The following TGFA variants were observed in gnomAD, a reference collection of about 807,000 sequenced individuals.
The protein encoded by TGFA is protransforming growth factor alpha.
A neutral mutation model predicts 21.7 loss-of-function variants in TGFA; 12 were observed. That is an observed-to-expected ratio of 0.55 (90% CI 0.35 to 0.90). The LOEUF (loss-of-function observed/expected upper bound fraction) is 0.90, where lower values mean the gene tolerates loss of function less well. TGFA is among the 40% of genes least tolerant of loss of function. The pLI, the probability that TGFA is intolerant of heterozygous loss-of-function variation, is 0.01. For missense variants in TGFA, 178 were observed against 210.8 expected, an observed-to-expected ratio of 0.84 and a Z score of 0.96; for synonymous variants, 79 against 88.1, an observed-to-expected ratio of 0.90 and a Z score of 0.58.
intron 1 of TGFA, among the ~76,000 whole-genome samples, chr2:70,524,579 G>A (rs1672578798): frequency 6.6e-6 from 1 of 152,248 alleles, no homozygotes; most frequent in African/African-American, 2.4e-5. Flanking sequence ...TTCTGAGGTT[G>A]CAGAGAAGCC....
chr2:70,518,610 G>A (rs976736147), intron 1 of TGFA, among the ~76,000 whole-genome samples: 4 of 152,178 alleles, frequency 2.6e-5, no homozygotes, highest in Admixed American at 6.5e-5. Flanking sequence ...CTGGGCCCCA[G>A]AGCAGGATAC....
At chr2:70,475,832 CT>C (rs1226575410) in intron 2 of TGFA, among the ~76,000 whole-genome samples, 1 of 152,088 alleles carries the variant, frequency 6.6e-6, no homozygotes, top group African/African-American at 2.4e-5. Context: ...CCGACTCCCC[CT>C]GGGAAGACCA....
At chr2:70,537,456 T>C (rs538785697) in intron 1 of TGFA, among the ~76,000 whole-genome samples, 37 of 152,336 alleles carry the variant, frequency 2.4e-4, no homozygotes, top group African/African-American at 8.4e-4. Context: ...AAGCTAGGCT[T>C]CTTGCTCCAA....
chr2:70,482,041 C>T (rs933496073), intron 2 of TGFA, among the ~76,000 whole-genome samples: 1 of 152,058 alleles, frequency 6.6e-6, no homozygotes, highest in African/African-American at 2.4e-5. Flanking sequence ...AAATAACATA[C>T]ACTTTGAGTT....
intron 1 of TGFA, among the ~76,000 whole-genome samples, chr2:70,548,447 A>T (rs1673384588): frequency 6.6e-6 from 1 of 152,236 alleles, no homozygotes; most frequent in East Asian, 1.9e-4. Flanking sequence ...AAACAGGTGA[A>T]GCAATGGCAG....
chr2:70,473,383 TGGG>T (rs34842391), intron 2 of TGFA, among the ~76,000 whole-genome samples: 1 of 151,056 alleles, frequency 6.6e-6, no homozygotes, highest in East Asian at 1.9e-4. Context: ...CCTGGGCAGG[TGGG>T]GGGAGGTGAG....
chr2:70,514,773 A>G (rs1258855574), intron 2 of TGFA, 86 bp downstream of exon 2: 3 of 1,423,076 alleles, frequency 2.1e-6, no homozygotes, highest in African/African-American at 1.4e-5. Flanking sequence ...GCAGGAGGCC[A>G]GGGAGGGAGC....
intron 4 of TGFA, among the ~76,000 whole-genome samples, chr2:70,454,717 A>AGTCTCTGGCTCATGGATTCTGAACTTG (rs1670172120): frequency 1.3e-5 from 2 of 152,210 alleles, no homozygotes; most frequent in South Asian, 4.1e-4. Context: ...GTGAGAGCTT[A>AGTCTCTGGCTCATGGATTCTGAACTTG]GTCTCTGGCT....
intron 3 of TGFA, among the ~76,000 whole-genome samples, chr2:70,457,274 AAT>A (rs2103671922): frequency 6.6e-6 from 1 of 152,218 alleles, no homozygotes. Flanking sequence ...CTTTGGTATT[AAT>A]CTTTCAATCA....
chr2:70,476,987 A>AT (rs369179982), intron 2 of TGFA, among the ~76,000 whole-genome samples: 1,572 of 151,910 alleles, frequency 0.01, 23 homozygotes, highest in African/African-American at 0.034. Context: ...ATACGCAATT[A>AT]TTTTTTTTTA....
intron 1 of TGFA, among the ~76,000 whole-genome samples, chr2:70,534,788 A>T (rs1283756287): frequency 1.3e-5 from 2 of 152,278 alleles, no homozygotes; most frequent in African/African-American, 4.8e-5. Context: ...ATCATGGTAA[A>T]TATGTCGGAG....
At chr2:70,482,960 C>T (rs1671167638) in intron 2 of TGFA, among the ~76,000 whole-genome samples, 1 of 152,198 alleles carries the variant, frequency 6.6e-6, no homozygotes, top group Non-Finnish European at 1.5e-5. Flanking sequence ...TCCTACCCTT[C>T]CCAAAAGCTT....
intron 1 of TGFA, among the ~76,000 whole-genome samples, chr2:70,538,891 C>G (rs1322743987): frequency 6.6e-6 from 1 of 152,124 alleles, no homozygotes; most frequent in Non-Finnish European, 1.5e-5. Flanking sequence ...GAATCACATG[C>G]CACAGAGAAA....
At chr2:70,479,305 A>T (rs1480552670) in intron 2 of TGFA, among the ~76,000 whole-genome samples, 6 of 152,226 alleles carry the variant, frequency 3.9e-5, no homozygotes, top group African/African-American at 1.4e-4. Context: ...ATTCATGTAC[A>T]TGGCTTTGCA....
At chr2:70,501,175 A>G in intron 2 of TGFA, among the ~76,000 whole-genome samples, 1 of 152,234 alleles carries the variant, frequency 6.6e-6, no homozygotes, top group East Asian at 1.9e-4. Flanking sequence ...ATGTATACTT[A>G]TATTGGAACA....
chr2:70,549,126 G>A (rs1553506415), intron 1 of TGFA, among the ~76,000 whole-genome samples: 2 of 152,174 alleles, frequency 1.3e-5, no homozygotes, highest in South Asian at 2.1e-4. Context: ...AGGAAAAGGT[G>A]ACATGATTAG....
chr2:70,549,310 C>T (rs1364370497), intron 1 of TGFA, among the ~76,000 whole-genome samples: 1 of 152,194 alleles, frequency 6.6e-6, no homozygotes, highest in Admixed American at 6.5e-5. Context: ...CATTTACAAG[C>T]GTCTGAACGT....
At chr2:70,451,011 G>C (rs549926870) in intron 5 of TGFA, 145 bp from the exon 6 acceptor site, 11 of 953,074 alleles carry the variant, frequency 1.2e-5, no homozygotes, top group Middle Eastern at 2.2e-4. Context: ...AAATTCTGCT[G>C]GTTCAGTCTC....
rs1027677684 is a variant in TGFA, at chr2:70,498,972, C to T, written c.94+15887G>A. On this transcript the variant is annotated intron_variant, in intron 2 of 5. Coordinates refer to ENST00000295400, the MANE Select transcript of TGFA (RefSeq NM_003236.4). Reference sequence around the variant, plus strand: ...TGATGCCTGGATGCCATCCCCAGGCCCTGTAAATTAGAATCTCTGGGGTGG... The same window carrying T: ...TGATGCCTGGATGCCATCCCCAGGCTCTGTAAATTAGAATCTCTGGGGTGG... Among the ~76,000 whole-genome samples the T allele has an allele frequency of 9.2e-5, 14 of 152,116 alleles. No homozygotes were observed. In the South Asian group the frequency reaches 2.9e-3, roughly 32 times the overall value.
Sources: gnomAD v4.1 joint callset for allele counts (sites outside exome capture counted in the v4.1 genomes callset) on GRCh38, gnomAD v4.1.1 for gene constraint, MANE v1.5 for transcripts, NCBI Gene and HGNC (gene_info 2026-07-23, HGNC 2026-07-21) for gene names.